Variants in DENND2A observed in about 807,000 individuals in gnomAD.
DENND2A encodes DENN domain containing 2A.
DENND2A carries 53 observed loss-of-function variants against 105.3 expected under a neutral mutation model. The ratio of observed to expected loss-of-function variants is 0.50; its 90% CI spans 0.40 to 0.63. The LOEUF (loss-of-function observed/expected upper bound fraction) is 0.63, where lower values mean the gene tolerates loss of function less well. Ranked by LOEUF, DENND2A falls within the 30% of genes least tolerant of loss-of-function variation. The pLI, the probability that DENND2A is intolerant of heterozygous loss-of-function variation, is 0.00. For missense variants in DENND2A, 1,138 were observed against 1,279.6 expected, an observed-to-expected ratio of 0.89 and a Z score of 1.69; for synonymous variants, 522 against 508.4, an observed-to-expected ratio of 1.03 and a Z score of -0.36.
In DENND2A at chr7:140,602,208, G is replaced by C. The variant is rs768591314; in HGVS notation, c.190C>G (p.Pro64Ala). 4.3e-6 allele frequency: 7 copies of C among 1,613,978 alleles called. No individual in the cohort carries two copies. The highest frequency in any genetic ancestry group is 4.5e-5 in the East Asian group (2 of 44,870). Residue 64 changes from proline to alanine, a missense_variant, in exon 3 of 20, where the codon CCC becomes GCC. Pro to Ala is a conservative substitution (Grantham distance 27). This residue lies in a region of DENND2A where 511 missense variants were observed against 499.9 expected (regional missense o/e 1.02). Transcript: ENST00000496613. ...EGKKEVPTPA[P>A]SRRADGQEDY... is the part of the protein sequence containing the mutation. ...TCCTGTCCGTCTGCTCTCCTGCTGG[G>C]TGCAGGAGTGGGCACCTCTTTCTTC...
rs746242476 is a variant in DENND2A, at chr7:140,601,832, T to C, written c.566A>G (p.His189Arg). The C allele has an allele frequency of 1.2e-6, 2 of 1,614,074 alleles. No homozygotes were observed. The highest frequency in any genetic ancestry group is 1.7e-6 in the Non-Finnish European group (2 of 1,180,002). The change falls in exon 3 of 20, where the codon CAC (histidine) becomes CGC (arginine). Residue 189 changes from histidine (H) to arginine (R), a missense_variant. Physicochemically the swap from His to Arg is conservative, Grantham distance 29 (BLOSUM62 0). This residue lies in a region of DENND2A where 511 missense variants were observed against 499.9 expected (regional missense o/e 1.02). Coordinates refer to ENST00000496613, the MANE Select transcript of DENND2A (RefSeq NM_015689.5). ...TGCCTCTGCCTTGTCAGGAGGGCAGTGTGGGGAGTAACAAGTCCCTGGTAA... is the reference window on the plus strand; with the variant it reads ...TGCCTCTGCCTTGTCAGGAGGGCAGCGTGGGGAGTAACAAGTCCCTGGTAA... ...PQLPGTCYSP[H>R]CPPDKAEAGS...
intron 1 of DENND2A, among the ~76,000 whole-genome samples, chr7:140,614,988 C>T (rs1563179542): frequency 6.6e-6 from 1 of 152,078 alleles, no homozygotes; most frequent in Non-Finnish European, 1.5e-5. Context: ...CTCCCTACCG[C>T]CCCAGGTAGC....
At chr7:140,634,838 C>T (rs968281485) in intron 1 of DENND2A, among the ~76,000 whole-genome samples, 1 of 151,986 alleles carries the variant, frequency 6.6e-6, no homozygotes, top group African/African-American at 2.4e-5. Context: ...CACCACTGCA[C>T]TCCAGTGCAG....
chr7:140,529,207 A>G (rs1313301435), intron 14 of DENND2A, among the ~76,000 whole-genome samples: 2 of 151,912 alleles, frequency 1.3e-5, no homozygotes, highest in African/African-American at 4.8e-5. Context: ...GCCTATAATC[A>G]TAGCATTTTG....
chr7:140,602,129 G>A lies in DENND2A; in HGVS notation c.269C>T (p.Thr90Ile). The A allele has an allele frequency of 5.0e-6, 8 of 1,614,096 alleles. No homozygotes were observed. The highest frequency in any genetic ancestry group is 6.8e-6 in the Non-Finnish European group (8 of 1,180,018). ...TCCATTCTTAGCCTCTGTGACCTGAGTTCTCACCCCATCACTACTCCTCCT... is the reference window on the plus strand; with the variant it reads ...TCCATTCTTAGCCTCTGTGACCTGAATTCTCACCCCATCACTACTCCTCCT... ...VERRSSDGVR[T>I]QVTEAKNGMR... The change falls in exon 3 of 20, where the codon ACT (threonine) becomes ATT (isoleucine). Residue 90 changes from threonine to isoleucine, a missense_variant. Around this residue, in one of 2 missense-constraint regions of DENND2A, gnomAD observed 511 missense variants for 499.9 expected, o/e 1.02. Transcript: ENST00000496613.
rs1282018940 is a variant in DENND2A, at chr7:140,628,663, C to A, written c.-248+11841G>T. On this transcript the variant is annotated intron_variant, in intron 1 of 19. Coordinates refer to ENST00000496613, the MANE Select transcript of DENND2A (RefSeq NM_015689.5). ...CAAGGCATTCTCCTGCCTCAGCCTC[C>A]CTAGTAGCTGGAACTACAGGCATGC... Among the ~76,000 whole-genome samples the A allele has an allele frequency of 2.6e-5, 4 of 151,644 alleles. No homozygotes were observed. The East Asian group carries it at 7.7e-4, about 29-fold the overall frequency.
intron 15 of DENND2A, among the ~76,000 whole-genome samples, chr7:140,526,245 G>A (rs756539925): frequency 2.6e-5 from 4 of 152,088 alleles, no homozygotes; most frequent in Non-Finnish European, 5.9e-5. Context: ...CTGCAGACTC[G>A]GTTAGGCTTT....
intron 1 of DENND2A, among the ~76,000 whole-genome samples, chr7:140,626,548 C>G (rs554322018): frequency 6.6e-6 from 1 of 152,126 alleles, no homozygotes; most frequent in South Asian, 2.1e-4. Flanking sequence ...CCGTAGGTCA[C>G]GTTCGTTTGC....
At chr7:140,611,936 T>C (rs1372533155) in intron 1 of DENND2A, among the ~76,000 whole-genome samples, 1 of 152,124 alleles carries the variant, frequency 6.6e-6, no homozygotes, top group African/African-American at 2.4e-5. Context: ...CACTGAACTG[T>C]ACAGTTTAAG....
intron 4 of DENND2A, among the ~76,000 whole-genome samples, chr7:140,586,467 G>A (rs1349505992): frequency 6.6e-6 from 1 of 152,034 alleles, no homozygotes; most frequent in Non-Finnish European, 1.5e-5. Context: ...GCTGAGGCAG[G>A]AGAATTGCAT....
In DENND2A at chr7:140,585,652, T is replaced by C. The variant is rs1798749878; in HGVS notation, c.1182A>G (p.Gly394=). The change falls in exon 5 of 20, where the codon GGA becomes GGG. Residue 394 remains glycine (G), a synonymous_variant. Coordinates refer to ENST00000496613, the MANE Select transcript of DENND2A (RefSeq NM_015689.5). ...EDIELHGRCL[G]KKCVLNFPAS... ...CAGGAAAATTCAAGACACACTTCTT[T>C]CCCAGGCAGCGACCATGTAACTCGA... 1 of 1,614,134 alleles carries C rather than the reference T, an allele frequency of 6.2e-7. No individual in the cohort carries two copies. Among genetic ancestry groups the C allele is most frequent in the Non-Finnish European group, 8.5e-7 (1 of 1,180,004 alleles).
At chr7:140,569,466 A>T (rs1585655832) in intron 7 of DENND2A, among the ~76,000 whole-genome samples, 179 bp downstream of exon 7, 1 of 152,164 alleles carries the variant, frequency 6.6e-6, no homozygotes, top group Non-Finnish European at 1.5e-5. Context: ...GAGGCAGGGG[A>T]CATGCTGCCC....
chr7:140,538,980 C>T (rs1044234483), intron 14 of DENND2A, among the ~76,000 whole-genome samples: 3 of 151,284 alleles, frequency 2.0e-5, no homozygotes, highest in East Asian at 2.0e-4. Context: ...TGTGCCACCA[C>T]GCCCAGCTAA....
Position 140,567,229 on chromosome 7 carries a change from C to T in DENND2A, c.1636G>A (p.Ala546Thr). The change falls in exon 9 of 20, where the codon GCG (alanine) becomes ACG (threonine). Residue 546 changes from alanine (A) to threonine (T), a missense_variant. Ala to Thr is a moderately conservative substitution (Grantham distance 58). Transcript: ENST00000496613. ...CGGGCAAGTGATGGGTACCGAGGCG[C>T]CTGCTTCAGCCGGGACTTCACGTTG... Reference protein sequence around the residue: ...LVNVKSRLKQAPRYPSLAREL... With the variant: ...LVNVKSRLKQTPRYPSLAREL... 2.5e-6 allele frequency: 4 copies of T among 1,612,546 alleles called. No homozygotes were observed. Among genetic ancestry groups the T allele is most frequent in the Non-Finnish European group, 3.4e-6 (4 of 1,179,492 alleles).
intron 2 of DENND2A, among the ~76,000 whole-genome samples, chr7:140,605,210 C>T (rs948746529): frequency 7.2e-5 from 11 of 152,166 alleles, no homozygotes; most frequent in African/African-American, 1.7e-4. Flanking sequence ...AGGATTCTCC[C>T]GCCCCATAAG....
At chr7:140,542,983 G>A (rs997369176) in intron 14 of DENND2A, among the ~76,000 whole-genome samples, 3 of 152,038 alleles carry the variant, frequency 2.0e-5, no homozygotes, top group East Asian at 1.9e-4. Flanking sequence ...CTCAGAACTC[G>A]CCTCCCTGGG....
chr7:140,557,509 G>GTGTATATATATA (rs1554467279), intron 11 of DENND2A, among the ~76,000 whole-genome samples: 3 of 16,768 alleles, frequency 1.8e-4, no homozygotes, highest in African/African-American at 4.1e-4. Flanking sequence ...TTATTTTTTA[G>GTGTATATATATA]TATATATATA....
At chr7:140,557,759 C>G (rs1033944502) in intron 11 of DENND2A, among the ~76,000 whole-genome samples, 6 of 149,676 alleles carry the variant, frequency 4.0e-5, no homozygotes, top group East Asian at 2.0e-4. Flanking sequence ...AGGATGGTCT[C>G]GATCTCCTGA....
At chr7:140,626,272 G>A (rs562344392) in intron 1 of DENND2A, among the ~76,000 whole-genome samples, 1 of 152,328 alleles carries the variant, frequency 6.6e-6, no homozygotes, top group African/African-American at 2.4e-5. Flanking sequence ...CATGCATGCT[G>A]TGACACCGAG....
Sources: allele counts gnomAD v4.1 joint callset (sites outside exome capture counted in the v4.1 genomes callset), GRCh38; gene constraint gnomAD v4.1.1; regional missense constraint gnomAD v4.1.1; transcripts MANE v1.5; gene names NCBI Gene and HGNC (gene_info 2026-07-23, HGNC 2026-07-21).